LYN: variants seen among roughly 807,000 people sequenced by gnomAD.
LYN encodes the protein tyrosine-protein kinase Lyn.
LYN carries 12 observed loss-of-function variants against 65.0 expected under a neutral mutation model. That is an observed-to-expected ratio of 0.18 (90% CI 0.12 to 0.30). LYN has a LOEUF of 0.30. Among genes scored for constraint, LYN ranks in the 10% least tolerant of loss-of-function variants. The pLI, the probability that LYN is intolerant of heterozygous loss-of-function variation, is 1.00. For synonymous variants in LYN, 222 were observed against 221.2 expected (o/e 1.00, Z -0.03); for missense variants, 380 against 623.2 (o/e 0.61, Z 4.16).
At position 55,909,010 on chromosome 8, in the gene LYN, TACACACACACACACACACAC is replaced by T. The variant is rs369256669; in HGVS notation, c.-6+28930_-6+28949del. ...GTATGTATATATATATATATATATA[TACACACACACACACACACAC>T]ACACACACACACACACACACACCCC... On this transcript the variant is annotated intron_variant, in intron 1 of 12. Transcript: ENST00000519728. 3.5e-3 allele frequency among the ~76,000 whole-genome samples: 114 copies of T among 32,244 alleles called. 17 individuals are homozygous for T. The highest frequency in any genetic ancestry group is 0.012 in the African/African-American group (101 of 8,716). 21.2% of individuals were successfully genotyped at this position (32,244 alleles called of 152,430 possible).
At chr8:55,916,379 C>T (rs1209643383) in intron 1 of LYN, among the ~76,000 whole-genome samples, 1 of 152,168 alleles carries the variant, frequency 6.6e-6, no homozygotes, top group Non-Finnish European at 1.5e-5. Flanking sequence ...AAAAATGGTG[C>T]TTCTAAGGCT....
intron 10 of LYN, among the ~76,000 whole-genome samples, chr8:55,984,338 TCAG>T (rs1808014787): frequency 6.6e-6 from 1 of 152,192 alleles, no homozygotes; most frequent in Non-Finnish European, 1.5e-5. Flanking sequence ...CCCTGCTGGC[TCAG>T]CATCTGCCCA....
At chr8:55,919,784 G>A (rs1004183238) in intron 1 of LYN, among the ~76,000 whole-genome samples, 11 of 152,166 alleles carry the variant, frequency 7.2e-5, no homozygotes, top group Non-Finnish European at 1.0e-4. Context: ...GAATGCACCC[G>A]TCTGGGTGAG....
At chr8:55,927,833 C>T (rs1204700362) in intron 1 of LYN, among the ~76,000 whole-genome samples, 1 of 148,876 alleles carries the variant, frequency 6.7e-6, no homozygotes, top group Non-Finnish European at 1.5e-5. Context: ...GAGACTCTGT[C>T]CCAAGGGGGA....
chr8:55,930,106 C>A (rs1014612297), intron 1 of LYN, among the ~76,000 whole-genome samples: 2 of 152,136 alleles, frequency 1.3e-5, no homozygotes, highest in Non-Finnish European at 2.9e-5. Flanking sequence ...GAAACCACCA[C>A]CCCCCACCTG....
intron 1 of LYN, among the ~76,000 whole-genome samples, chr8:55,909,010 T>TATATACAC (rs1207340613): frequency 3.1e-5 from 1 of 32,236 alleles, no homozygotes; most frequent in Non-Finnish European, 6.3e-5. Context: ...TATATATATA[T>TATATACAC]ACACACACAC....
chr8:55,923,058 T>A (rs1262545234), intron 1 of LYN, among the ~76,000 whole-genome samples: 1 of 151,824 alleles, frequency 6.6e-6, no homozygotes, highest in Non-Finnish European at 1.5e-5. Flanking sequence ...ACCTAATGAG[T>A]AAAATGTGAA....
chr8:55,957,303 G>A (rs997334292), intron 8 of LYN, among the ~76,000 whole-genome samples: 2 of 152,226 alleles, frequency 1.3e-5, no homozygotes, highest in Admixed American at 1.3e-4. Flanking sequence ...CTAGTTATTG[G>A]AAGCTATATT....
At chr8:55,932,936 G>A (rs1055705551) in intron 1 of LYN, among the ~76,000 whole-genome samples, 1 of 152,124 alleles carries the variant, frequency 6.6e-6, no homozygotes, top group Non-Finnish European at 1.5e-5. Context: ...TGTAAAGATA[G>A]GAGCAATAGA....
At chr8:55,880,829 A>C (rs1804634246) in intron 1 of LYN, among the ~76,000 whole-genome samples, 1 of 152,194 alleles carries the variant, frequency 6.6e-6, no homozygotes, top group South Asian at 2.1e-4. Context: ...CGTAAGAGTC[A>C]GTTCCCACTT....
chr8:55,977,012 C>T (rs977427474), intron 10 of LYN, among the ~76,000 whole-genome samples: 10 of 152,036 alleles, frequency 6.6e-5, no homozygotes, highest in East Asian at 3.9e-4. Flanking sequence ...TGGTGAAACC[C>T]GGTCTCTACT....
chr8:56,001,636 T>C (rs1808515156), intron 12 of LYN, among the ~76,000 whole-genome samples: 1 of 152,178 alleles, frequency 6.6e-6, no homozygotes, highest in Admixed American at 6.5e-5. Flanking sequence ...TGCTGCAAAA[T>C]AGGAAAAATA....
chr8:55,898,605 T>G (rs903818528), intron 1 of LYN, among the ~76,000 whole-genome samples: 3 of 152,180 alleles, frequency 2.0e-5, no homozygotes, highest in African/African-American at 7.2e-5. Flanking sequence ...ATAGTTTTAT[T>G]GAGATATAAT....
chr8:55,971,011 A>T (rs771936326), intron 10 of LYN, among the ~76,000 whole-genome samples: 1 of 152,192 alleles, frequency 6.6e-6, no homozygotes, highest in Non-Finnish European at 1.5e-5. Flanking sequence ...AACCCAAGGG[A>T]GGGCAATGCC....
At chr8:55,968,776 A>C (rs1404131533) in intron 9 of LYN, among the ~76,000 whole-genome samples, 1 of 152,186 alleles carries the variant, frequency 6.6e-6, no homozygotes, top group Non-Finnish European at 1.5e-5. Flanking sequence ...CCAAAACTGT[A>C]ATATAGCCTC....
chr8:55,973,666 AATC>A (rs1807669876), intron 10 of LYN, among the ~76,000 whole-genome samples: 1 of 152,238 alleles, frequency 6.6e-6, no homozygotes, highest in Admixed American at 6.5e-5. Context: ...AGAGCAAATA[AATC>A]ATCTTGTAAT....
At chr8:55,922,535 G>C (rs1585601406) in intron 1 of LYN, among the ~76,000 whole-genome samples, 1 of 152,126 alleles carries the variant, frequency 6.6e-6, no homozygotes, top group East Asian at 1.9e-4. Context: ...AGCACTTTGG[G>C]AGGCCGAGGC....
chr8:55,909,214 T>A (rs1805530611), intron 1 of LYN, among the ~76,000 whole-genome samples: 1 of 151,984 alleles, frequency 6.6e-6, no homozygotes, highest in East Asian at 1.9e-4. Context: ...CCCATGAATG[T>A]GTGCCACGTG....
intron 1 of LYN, among the ~76,000 whole-genome samples, chr8:55,934,631 T>C (rs546418745): frequency 2.2e-4 from 34 of 152,316 alleles, no homozygotes; most frequent in African/African-American, 8.2e-4. Flanking sequence ...TGTTTTGTCT[T>C]GACACCCCTT....
Sources: gnomAD v4.1 joint callset for allele counts (sites outside exome capture counted in the v4.1 genomes callset) on GRCh38, gnomAD v4.1.1 for gene constraint, MANE v1.5 for transcripts, NCBI Gene and HGNC (gene_info 2026-07-23, HGNC 2026-07-21) for gene names.